PTPRD: variants seen among roughly 807,000 people sequenced by gnomAD.
PTPRD encodes receptor-type tyrosine-protein phosphatase delta.
In PTPRD, 34 loss-of-function variants were observed where a neutral mutation model predicts 214.5. The ratio of observed to expected loss-of-function variants is 0.16; its 90% CI spans 0.12 to 0.21. The LOEUF is 0.21. Among genes scored for constraint, PTPRD ranks in the 10% least tolerant of loss-of-function variants. PTPRD has a pLI of 1.00. For synonymous variants in PTPRD, 1,128 were observed against 845.7 expected (o/e 1.33, Z -5.79); for missense variants, 2,545 against 2,398.7 (o/e 1.06, Z -1.27).
intron 12 of PTPRD, among the ~76,000 whole-genome samples, chr9:8,675,822 T>C (rs2097399635): frequency 1.3e-5 from 2 of 152,170 alleles, no homozygotes; most frequent in Non-Finnish European, 2.9e-5. Flanking sequence ...TTCCAACTTA[T>C]CTATATTTAC....
At chr9:10,045,350 A>G (rs1384828634) in intron 3 of PTPRD, among the ~76,000 whole-genome samples, 1 of 151,778 alleles carries the variant, frequency 6.6e-6, no homozygotes, top group Admixed American at 6.6e-5. Flanking sequence ...CTGAATTCAT[A>G]TAAATTGAAA....
intron 2 of PTPRD, among the ~76,000 whole-genome samples, chr9:10,451,271 T>C (rs930196943): frequency 2.0e-5 from 3 of 152,106 alleles, no homozygotes; most frequent in Non-Finnish European, 4.4e-5. Flanking sequence ...AAATTATTGT[T>C]ACAATTTATG....
intron 5 of PTPRD, among the ~76,000 whole-genome samples, chr9:9,906,537 A>T (rs1160372638): frequency 6.6e-6 from 1 of 151,986 alleles, no homozygotes; most frequent in Non-Finnish European, 1.5e-5. Flanking sequence ...TCCAAAATAA[A>T]TGCTTAATAA....
chr9:8,421,585 T>A (rs2094368854), intron 35 of PTPRD, among the ~76,000 whole-genome samples: 1 of 152,162 alleles, frequency 6.6e-6, no homozygotes, highest in African/African-American at 2.4e-5. Flanking sequence ...ATCTGCCATA[T>A]ACACAGTGAC....
intron 7 of PTPRD, among the ~76,000 whole-genome samples, chr9:9,668,731 GCTAA>G (rs2096770875): frequency 6.6e-6 from 1 of 152,018 alleles, no homozygotes; most frequent in Admixed American, 6.6e-5. Flanking sequence ...AATTAGTTCA[GCTAA>G]CTGATTTTCG....
At chr9:8,432,545 T>C (rs1036088843) in intron 35 of PTPRD, among the ~76,000 whole-genome samples, 6 of 152,224 alleles carry the variant, frequency 3.9e-5, no homozygotes, top group African/African-American at 1.4e-4. Context: ...ATCTTACAAG[T>C]TCTGAGTAAA....
chr9:9,670,568 C>G (rs1313299769), intron 7 of PTPRD, among the ~76,000 whole-genome samples: 1 of 152,210 alleles, frequency 6.6e-6, no homozygotes, highest in Non-Finnish European at 1.5e-5. Flanking sequence ...CCTCCCATCA[C>G]AGGCCTAGAT....
chr9:9,389,404 G>A (rs1022093333), intron 9 of PTPRD, among the ~76,000 whole-genome samples: 3 of 152,032 alleles, frequency 2.0e-5, no homozygotes, highest in African/African-American at 7.2e-5. Flanking sequence ...CAGCTACTCG[G>A]GAGGCTGAGG....
chr9:9,125,401 A>C (rs2099828341), intron 10 of PTPRD, among the ~76,000 whole-genome samples: 1 of 151,706 alleles, frequency 6.6e-6, no homozygotes, highest in South Asian at 2.1e-4. Context: ...TTGCTCTCTC[A>C]CTCCATTACC....
chr9:10,446,596 G>T (rs112073595), intron 2 of PTPRD, among the ~76,000 whole-genome samples: 2,149 of 151,880 alleles, frequency 0.014, 39 homozygotes, highest in African/African-American at 0.046. Context: ...TGAGGAGCAA[G>T]ATATCATTAA....
intron 3 of PTPRD, among the ~76,000 whole-genome samples, chr9:10,306,305 A>T (rs2096067288): frequency 1.3e-5 from 2 of 152,082 alleles, no homozygotes; most frequent in African/African-American, 4.8e-5. Flanking sequence ...GGATAGCATT[A>T]GGAGAAACAC....
At chr9:10,392,969 A>C (rs1172406018) in intron 2 of PTPRD, among the ~76,000 whole-genome samples, 7 of 151,732 alleles carry the variant, frequency 4.6e-5, no homozygotes, top group African/African-American at 1.7e-4. Context: ...TCCTCAAAGT[A>C]GCAGAGCAGA....
intron 3 of PTPRD, among the ~76,000 whole-genome samples, chr9:10,154,946 A>G (rs1372563355): frequency 6.6e-6 from 1 of 152,050 alleles, no homozygotes; most frequent in African/African-American, 2.4e-5. Flanking sequence ...TTTTGGTCCC[A>G]TATGAATTTA....
chr9:9,393,234 G>A, intron 9 of PTPRD, among the ~76,000 whole-genome samples: 2 of 152,048 alleles, frequency 1.3e-5, no homozygotes, highest in Admixed American at 1.3e-4. Flanking sequence ...CCAGGTATGC[G>A]TATACTTGTC....
chr9:9,859,771 A>T (rs763661687), intron 5 of PTPRD, among the ~76,000 whole-genome samples: 1 of 152,202 alleles, frequency 6.6e-6, no homozygotes, highest in Non-Finnish European at 1.5e-5. Context: ...ACTCTGGAAT[A>T]CGGTATCCTT....
At position 9,944,487 on chromosome 9, in the gene PTPRD, TAAGATTAATAAA is replaced by T. The variant is rs576160450; in HGVS notation, c.-471-5889_-471-5878del. 1.2e-3 allele frequency among the ~76,000 whole-genome samples: 187 copies of T among 152,122 alleles called. 5 individuals carry two copies. The South Asian group carries it at 0.037, about 30-fold the overall frequency. On this transcript the variant is annotated intron_variant, in intron 4 of 45. Coordinates refer to ENST00000381196, the MANE Select transcript of PTPRD (RefSeq NM_002839.4). ...TATAGTAGAGAGTACAAAAATTAAA[TAAGATTAATAAA>T]AAGATTAATAAAAAGATTTTTTTAA...
At chr9:9,784,855 A>G (rs996139904) in intron 5 of PTPRD, among the ~76,000 whole-genome samples, 2 of 146,758 alleles carry the variant, frequency 1.4e-5, no homozygotes, top group African/African-American at 5.0e-5. Context: ...AATGTATTAT[A>G]TATTATATAT....
At chr9:9,874,347 G>GT (rs1371945843) in intron 5 of PTPRD, among the ~76,000 whole-genome samples, 1 of 152,002 alleles carries the variant, frequency 6.6e-6, no homozygotes, top group African/African-American at 2.4e-5. Context: ...TTAACTAAAA[G>GT]TCTCTTAAAA....
At chr9:8,448,633 C>T (rs1253499023) in intron 34 of PTPRD, among the ~76,000 whole-genome samples, 8 of 151,824 alleles carry the variant, frequency 5.3e-5, no homozygotes, top group African/African-American at 1.9e-4. Context: ...TTTTAAATAC[C>T]GACATTATGA....
Sources: allele counts gnomAD v4.1 joint callset (sites outside exome capture counted in the v4.1 genomes callset), GRCh38; gene constraint gnomAD v4.1.1; transcripts MANE v1.5; gene names NCBI Gene and HGNC (gene_info 2026-07-23, HGNC 2026-07-21).